Variants in RECQL5 observed in about 807,000 individuals in gnomAD.
RECQL5 encodes the protein RecQ like helicase 5.
Under a neutral mutation model 103.4 loss-of-function variants are expected in RECQL5, and 88 were observed. The observed-to-expected ratio is 0.85, with a 90% CI of 0.72 to 1.02. RECQL5 has a LOEUF of 1.02. Among genes scored for constraint, RECQL5 ranks in the 50% least tolerant of loss-of-function variants. The pLI, the probability that RECQL5 is intolerant of heterozygous loss-of-function variation, is 0.00. For missense variants in RECQL5, 1,232 were observed against 1,284.3 expected, an observed-to-expected ratio of 0.96 and a Z score of 0.62; for synonymous variants, 552 against 507.9, an observed-to-expected ratio of 1.09 and a Z score of -1.17.
intron 8 of RECQL5, 32 bp from the exon 9 acceptor site, chr17:75,631,700 C>T (rs369821126): frequency 7.5e-5 from 120 of 1,596,632 alleles, no homozygotes; most frequent in Admixed American, 1.8e-4. Flanking sequence ...AGGTGAGGGG[C>T]GGAGAGCCCA....
At chr17:75,662,110 A>T (rs1459792455) in intron 4 of RECQL5, among the ~76,000 whole-genome samples, 1 of 152,114 alleles carries the variant, frequency 6.6e-6, no homozygotes, top group African/African-American at 2.4e-5. Context: ...GCGGTGAGCC[A>T]AGATTGCGCC....
At position 75,661,741 on chromosome 17, in the gene RECQL5, T is replaced by C. The variant is rs200279291; in HGVS notation, c.772-33A>G. ...GGGAGATGCAGGAAGAAAATAAGCA[T>C]AGCAAGAACAGAACAATAGGCCCAG... On this transcript the variant is annotated intron_variant, in intron 4 of 19. Coordinates refer to ENST00000317905, the MANE Select transcript of RECQL5 (RefSeq NM_004259.7). The C allele has an allele frequency of 1.4e-5, 22 of 1,522,872 alleles. No individual in the cohort carries two copies. The African/African-American group carries it at 1.8e-4, about 12-fold the overall frequency. 94.3% of individuals were successfully genotyped at this position (1,522,872 alleles called of 1,614,324 possible). A position where few individuals can be genotyped will look rare whatever the true frequency, so the allele number is the denominator to read the frequency against.
chr17:75,655,415 G>C (rs2059606044), intron 7 of RECQL5, among the ~76,000 whole-genome samples: 1 of 149,298 alleles, frequency 6.7e-6, no homozygotes, highest in Non-Finnish European at 1.5e-5. Context: ...CCAGGCTGGA[G>C]TGCAGTGGTG....
chr17:75,661,176 T>C, intron 5 of RECQL5, 110 bp from the exon 6 acceptor site: 1 of 810,930 alleles, frequency 1.2e-6, no homozygotes, highest in Non-Finnish European at 2.2e-6. Flanking sequence ...CCCTGAATCT[T>C]TCACTTCCCA....
At chr17:75,648,661 G>A (rs1293618369) in intron 8 of RECQL5, among the ~76,000 whole-genome samples, 6 of 139,768 alleles carry the variant, frequency 4.3e-5, no homozygotes, top group South Asian at 2.3e-4. Flanking sequence ...CATGAGCCAC[G>A]GCGCCCGGCC....
rs531457843 is a variant in RECQL5 at position 75,661,312 on chromosome 17, G to A, written c.875-246C>T. On this transcript the variant is annotated intron_variant, in intron 5 of 19. Coordinates refer to ENST00000317905, the MANE Select transcript of RECQL5 (RefSeq NM_004259.7). ...AGGGCCATGATTCAAGCCCAAGTCC[G>A]TTGGCCTCCAAAGCCTGTGCTCTTC... Among the ~76,000 whole-genome samples, 4 of 152,334 alleles carry A rather than the reference G, an allele frequency of 2.6e-5. No individual in the cohort carries two copies. The Middle Eastern group carries it at 0.01, about 389-fold the overall frequency.
At chr17:75,633,712 G>A in intron 8 of RECQL5, 1 of 1,123,392 alleles carries the variant, frequency 8.9e-7, no homozygotes, top group Non-Finnish European at 1.1e-6. Flanking sequence ...CTTCCTGAGG[G>A]CAGGGTGGGT....
chr17:75,662,762 G>A lies in RECQL5; in HGVS notation c.488C>T (p.Ser163Phe), dbSNP rs1013481179. Residue 163 changes from serine to phenylalanine, a missense_variant, in exon 4 of 20, where the codon TCC becomes TTC. Ser to Phe is a radical substitution (Grantham distance 155, BLOSUM62 -2). Transcript: ENST00000317905. ...YLVVDEAHCV[S>F]QWGHDFRPDY... The stretch of plus-strand genomic sequence containing the variant: ...AGGACGAAAGTCATGCCCCCATTGG[G>A]AAACACAATGAGCTTCATCCACCAC... The A allele has an allele frequency of 6.2e-7, 1 of 1,614,120 alleles. No individual in the cohort carries two copies. The highest frequency in any genetic ancestry group is 8.5e-7 in the Non-Finnish European group (1 of 1,180,036).
At chr17:75,656,353 C>T (rs556090639) in intron 7 of RECQL5, among the ~76,000 whole-genome samples, 2 of 152,238 alleles carry the variant, frequency 1.3e-5, no homozygotes, top group Non-Finnish European at 2.9e-5. Context: ...GCTGGGATTA[C>T]AGGCGTGAGC....
intron 5 of RECQL5, 59 bp from the exon 6 acceptor site, chr17:75,661,125 C>T (rs373085606): frequency 3.6e-6 from 5 of 1,395,836 alleles, no homozygotes; most frequent in Non-Finnish European, 2.0e-6. Flanking sequence ...TTACCGGGGG[C>T]CTATTTTGGG....
chr17:75,637,123 T>G (rs1368883838), intron 8 of RECQL5: 1 of 152,316 alleles, frequency 6.6e-6, no homozygotes, highest in Non-Finnish European at 1.5e-5. Context: ...CCTGCACCAG[T>G]AAATTCAGCC....
chr17:75,660,984 A>C lies in RECQL5; in HGVS notation c.957T>G (p.Phe319Leu), dbSNP rs755989538. The C allele has an allele frequency of 1.9e-6, 3 of 1,614,098 alleles. No individual in the cohort carries two copies. In the East Asian group the frequency reaches 6.7e-5, roughly 36 times the overall value. Reference sequence around the variant, plus strand: ...CATTGGCTTTATCCACTCCCATCCCAAAACTAATGGTTGCAACAATTACAG... The same window carrying C: ...CATTGGCTTTATCCACTCCCATCCCCAAACTAATGGTTGCAACAATTACAG... ...KVPVIVATIS[F>L]GMGVDKANVR... The change falls in exon 6 of 20, where the codon TTT becomes TTG. Residue 319 changes from phenylalanine (F) to leucine (L), a missense_variant. Phe to Leu is a conservative substitution (Grantham distance 22, BLOSUM62 0). Coordinates refer to ENST00000317905, the MANE Select transcript of RECQL5 (RefSeq NM_004259.7).
chr17:75,655,467 C>G (rs1210602824), intron 7 of RECQL5, among the ~76,000 whole-genome samples: 3 of 142,028 alleles, frequency 2.1e-5, no homozygotes, highest in Non-Finnish European at 4.6e-5. Flanking sequence ...GGGTTCATGC[C>G]ATTCTCCTGC....
intron 8 of RECQL5, chr17:75,650,777 TG>T: frequency 6.3e-7 from 1 of 1,576,926 alleles, no homozygotes; most frequent in African/African-American, 1.4e-5. Flanking sequence ...CCGAGGTAAG[TG>T]GGGCCACAGG....
chr17:75,627,670 C>A lies in RECQL5; in HGVS notation c.2828G>T (p.Arg943Leu), dbSNP rs200535477. 2 of 1,609,386 alleles carry A rather than the reference C, an allele frequency of 1.2e-6. No individual in the cohort carries two copies. The highest frequency in any genetic ancestry group is 2.2e-5 in the East Asian group (1 of 44,792). Residue 943 changes from arginine (R) to leucine (L), a missense_variant, in exon 19 of 20, where the codon CGC becomes CTC. Physicochemically the swap from Arg to Leu is moderately radical, Grantham distance 102. Coordinates refer to ENST00000317905, the MANE Select transcript of RECQL5 (RefSeq NM_004259.7). ...ASKELFKGFARHLSHLLTQKT... is the reference protein window; with the variant it reads ...ASKELFKGFALHLSHLLTQKT... ...CTGAGTCAGCAAGTGTGAGAGGTGG[C>A]GGGCAAAGCCTTTAAACAACTCCTG...
At chr17:75,630,067 TGGGCTGGGGA>T in intron 14 of RECQL5, 107 bp downstream of exon 14, 1 of 724,498 alleles carries the variant, frequency 1.4e-6, no homozygotes, top group Non-Finnish European at 2.1e-6. Flanking sequence ...GTCTCTGGGG[TGGGCTGGGGA>T]GGGTGAGTTC....
At chr17:75,635,828 C>T (rs923157946) in intron 8 of RECQL5, 22 of 985,360 alleles carry the variant, frequency 2.2e-5, no homozygotes, top group African/African-American at 8.7e-5. Context: ...TCAAACACGC[C>T]GCCTGCTGCC....
In RECQL5 at chr17:75,640,893, C is replaced by G; in HGVS notation, c.1230-9225G>C. On this transcript the variant is annotated intron_variant, in intron 8 of 19. Coordinates refer to ENST00000317905, the MANE Select transcript of RECQL5 (RefSeq NM_004259.7). The surrounding 1 kb of genome is among the most constrained non-coding windows in gnomAD (Gnocchi z 4.6). The stretch of plus-strand genomic sequence containing the variant: ...AAGGTCCAGGTGCAGCCGACACCAC[C>G]ATGACGGACGGGCGATGGCTGAGGA... 1.4e-5 allele frequency: 22 copies of G among 1,544,362 alleles called. No homozygotes were observed. The highest frequency in any genetic ancestry group is 1.7e-5 in the Non-Finnish European group (19 of 1,146,816).
intron 8 of RECQL5, chr17:75,633,861 C>T (rs1374677829): frequency 2.0e-5 from 20 of 994,552 alleles, no homozygotes; most frequent in South Asian, 8.6e-5. Context: ...GCGTGGGAGT[C>T]GGGGAGAGGG....
Sources: gnomAD v4.1 joint callset for allele counts (sites outside exome capture counted in the v4.1 genomes callset) on GRCh38, gnomAD v4.1.1 for gene constraint, Gnocchi (gnomAD v3.1) non-coding constraint, MANE v1.5 for transcripts, NCBI Gene and HGNC (gene_info 2026-07-23, HGNC 2026-07-21) for gene names.